The following ZFHX3 variants were observed in gnomAD, a reference collection of about 807,000 sequenced individuals.
ZFHX3 encodes the protein zinc finger homeobox protein 3.
Under a neutral mutation model 279.1 loss-of-function variants are expected in ZFHX3, and 42 were observed. The ratio of observed to expected loss-of-function variants is 0.15; its 90% CI spans 0.12 to 0.19. ZFHX3 has a LOEUF of 0.19. Among genes scored for constraint, ZFHX3 ranks in the 10% least tolerant of loss-of-function variants. ZFHX3 has a pLI of 1.00. For missense variants in ZFHX3, 4,981 were observed against 4,754.0 expected (o/e 1.05, Z -1.40); for synonymous variants, 2,293 against 1,957.8 (o/e 1.17, Z -4.52).
chr16:73,889,793 C>T (rs552074182), intron 1 of ZFHX3, among the ~76,000 whole-genome samples: 28 of 152,302 alleles, frequency 1.8e-4, no homozygotes, highest in Non-Finnish European at 3.1e-4. Flanking sequence ...CTTCTACTGA[C>T]TCTTCTCCTT....
At chr16:73,156,991 C>T (rs570825870) in intron 5 of ZFHX3, among the ~76,000 whole-genome samples, 89 of 152,246 alleles carry the variant, frequency 5.8e-4, no homozygotes, top group African/African-American at 1.9e-3. Context: ...GGATTGCAGG[C>T]GTGAGCCACC....
intron 5 of ZFHX3, among the ~76,000 whole-genome samples, chr16:72,816,572 T>C (rs929898336): frequency 6.6e-6 from 1 of 152,176 alleles, no homozygotes; most frequent in Non-Finnish European, 1.5e-5. Context: ...GTTAGTGTTA[T>C]GGTGGCCCTA....
chr16:73,501,224 A>G (rs1872322460), intron 2 of ZFHX3, among the ~76,000 whole-genome samples: 2 of 152,230 alleles, frequency 1.3e-5, no homozygotes, highest in Admixed American at 1.3e-4. Flanking sequence ...GTAGTAGGCT[A>G]TACCATCTAG....
chr16:72,845,755 C>T (rs1261490368), intron 4 of ZFHX3, among the ~76,000 whole-genome samples: 3 of 152,152 alleles, frequency 2.0e-5, no homozygotes, highest in South Asian at 2.1e-4. Flanking sequence ...ACCAATACCA[C>T]GCGCCTGGAA....
In ZFHX3 at chr16:73,322,463, G is replaced by A. The variant is rs573159185; in HGVS notation, c.-1290-4127C>T. 7.9e-5 allele frequency among the ~76,000 whole-genome samples: 12 copies of A among 152,306 alleles called. No individual in the cohort carries two copies. The South Asian group carries it at 2.5e-3, about 32-fold the overall frequency. ...TACGCTGTGATATTGAATCTGAATA[G>A]GACACCTAGAGAAGAATGTTTAGCT... On this transcript the variant is annotated intron_variant, in intron 3 of 17. Coordinates refer to the ZFHX3 transcript ENST00000641206.
intron 2 of ZFHX3, among the ~76,000 whole-genome samples, chr16:73,518,909 G>A (rs531651305): frequency 1.0e-3 from 152 of 152,302 alleles, no homozygotes; most frequent in African/African-American, 3.6e-3. Context: ...AAAGCACCAA[G>A]AGAGATTCGT....
intron 3 of ZFHX3, among the ~76,000 whole-genome samples, chr16:72,907,689 T>A (rs1324065802): frequency 6.6e-6 from 1 of 151,310 alleles, no homozygotes; most frequent in East Asian, 1.9e-4. Flanking sequence ...TCCTTTTTTT[T>A]TTTTTTGATG....
Position 72,958,047 on chromosome 16 carries a change from G to A in ZFHX3, c.2099C>T (p.Ser700Phe). The A allele has an allele frequency of 5.0e-6, 8 of 1,613,692 alleles. No homozygotes were observed. The highest frequency in any genetic ancestry group is 6.8e-6 in the Non-Finnish European group (8 of 1,180,028). Reference protein sequence around the residue: ...MKEKHPEPGGSCVYCKSGQPH... With the variant: ...MKEKHPEPGGFCVYCKSGQPH... ...CTGCCCGCTTTTGCAGTAGACACAG[G>A]AGCCCCCCGGCTCCGGGTGCTTCTC... Residue 700 changes from serine to phenylalanine, a missense_variant, in exon 2 of 10, where the codon TCC (serine) becomes TTC (phenylalanine). Ser to Phe is a radical substitution (Grantham distance 155, BLOSUM62 -2). Coordinates refer to ENST00000268489, the MANE Select transcript of ZFHX3 (RefSeq NM_006885.4).
chr16:73,157,235 G>C (rs1346037343), intron 5 of ZFHX3, among the ~76,000 whole-genome samples: 1 of 152,034 alleles, frequency 6.6e-6, no homozygotes, highest in Non-Finnish European at 1.5e-5. Flanking sequence ...CTCCAGGTAT[G>C]TTTGGGTAGA....
At position 73,235,712 on chromosome 16, in the gene ZFHX3, G is replaced by A. The variant is rs138418201; in HGVS notation, c.-1104+21335C>T. ...TTTTTAGATAGCATCTCGCTCTGTC[G>A]CCCATGCTGGAGTGCAGTGGTGCAA... On this transcript the variant is annotated intron_variant, in intron 5 of 17. Coordinates refer to the ZFHX3 transcript ENST00000641206. Among the ~76,000 whole-genome samples, 561 of 151,576 alleles carry A rather than the reference G, an allele frequency of 3.7e-3. 7 individuals carry two copies. The highest frequency in any genetic ancestry group is 0.03 in the East Asian group (155 of 5,108).
At chr16:73,643,350 T>C (rs1050554476) in intron 2 of ZFHX3, among the ~76,000 whole-genome samples, 2 of 152,172 alleles carry the variant, frequency 1.3e-5, no homozygotes, top group East Asian at 3.9e-4. Context: ...AGGGTGATGA[T>C]TTCCCTCAGC....
intron 1 of ZFHX3, among the ~76,000 whole-genome samples, chr16:73,022,998 C>T (rs951503897): frequency 5.9e-5 from 9 of 152,138 alleles, no homozygotes; most frequent in Non-Finnish European, 8.8e-5. Flanking sequence ...AAGGCCGAGG[C>T]GGGCAGATCA....
intron 1 of ZFHX3, among the ~76,000 whole-genome samples, chr16:73,027,439 G>A: frequency 6.6e-6 from 1 of 152,326 alleles, no homozygotes; most frequent in Middle Eastern, 3.4e-3. Flanking sequence ...TGCAGGCGGG[G>A]TGTTCAAACT....
intron 8 of ZFHX3, among the ~76,000 whole-genome samples, chr16:73,067,653 G>A (rs1820959365): frequency 6.6e-6 from 1 of 152,214 alleles, no homozygotes; most frequent in African/African-American, 2.4e-5. Flanking sequence ...CACACAGGTG[G>A]ACACTTTGGA....
intron 1 of ZFHX3, among the ~76,000 whole-genome samples, chr16:73,744,169 T>C (rs997294650): frequency 2.6e-5 from 4 of 152,206 alleles, no homozygotes; most frequent in Admixed American, 2.6e-4. Context: ...CCAAAGGGCA[T>C]AACATTAAAA....
chr16:73,888,144 G>A (rs1235852962), intron 1 of ZFHX3, among the ~76,000 whole-genome samples: 1 of 152,162 alleles, frequency 6.6e-6, no homozygotes, highest in African/African-American at 2.4e-5. Flanking sequence ...CCGAGGCCTG[G>A]CAATGGACAG....
intron 3 of ZFHX3, among the ~76,000 whole-genome samples, chr16:73,418,212 ACTT>A (rs1296972285): frequency 6.6e-6 from 1 of 152,242 alleles, no homozygotes; most frequent in Non-Finnish European, 1.5e-5. Flanking sequence ...AGTTAGATAA[ACTT>A]CTGAGAATAA....
intron 8 of ZFHX3, 146 bp from the exon 9 acceptor site, chr16:72,798,860 G>A: frequency 1.4e-6 from 2 of 1,379,386 alleles, no homozygotes. Flanking sequence ...CAGAATCTCT[G>A]CGGAGCGCCT....
chr16:73,279,753 G>T (rs1035332045), intron 4 of ZFHX3, among the ~76,000 whole-genome samples: 2 of 152,156 alleles, frequency 1.3e-5, no homozygotes, highest in African/African-American at 4.8e-5. Flanking sequence ...GAAGGACGTT[G>T]CACAGAATAT....
Sources: gnomAD v4.1 joint callset for allele counts (sites outside exome capture counted in the v4.1 genomes callset) on GRCh38, gnomAD v4.1.1 for gene constraint, MANE v1.5 for transcripts, NCBI Gene and HGNC (gene_info 2026-07-23, HGNC 2026-07-21) for gene names.